Variants in CALN1 observed in about 807,000 individuals in gnomAD.
CALN1 encodes the protein calneuron 1, also known as calcium-binding protein 8.
A neutral mutation model predicts 30.6 loss-of-function variants in CALN1; 17 were observed. The ratio of observed to expected loss-of-function variants is 0.56; its 90% CI spans 0.38 to 0.83. The LOEUF (loss-of-function observed/expected upper bound fraction) is 0.83, where lower values mean the gene tolerates loss of function less well. CALN1 is among the 40% of genes least tolerant of loss of function. The probability of loss-of-function intolerance (pLI) is 0.00; values close to 1 mark genes in which losing one functional copy is unlikely to be tolerated. For missense variants in CALN1, 291 were observed against 354.9 expected (o/e 0.82, Z 1.45); for synonymous variants, 156 against 131.4 (o/e 1.19, Z -1.28).
chr7:72,428,584 G>A (rs1043990180), intron 1 of CALN1, among the ~76,000 whole-genome samples: 3 of 152,078 alleles, frequency 2.0e-5, no homozygotes. Context: ...TAGAGACAGG[G>A]TATCACCATG....
chr7:72,215,085 C>T (rs776880728), intron 3 of CALN1, among the ~76,000 whole-genome samples: 25 of 151,996 alleles, frequency 1.6e-4, no homozygotes, highest in Admixed American at 9.2e-4. Flanking sequence ...CAAAACCATC[C>T]GACATCCCCC....
intron 5 of CALN1, among the ~76,000 whole-genome samples, chr7:71,824,256 C>T (rs879457951): frequency 6.6e-6 from 1 of 152,170 alleles, no homozygotes; most frequent in Admixed American, 6.6e-5. Context: ...CTTCTATTTG[C>T]TCCACAGCCC....
chr7:72,266,531 G>T (rs1256016658), intron 3 of CALN1, among the ~76,000 whole-genome samples: 1 of 152,122 alleles, frequency 6.6e-6, no homozygotes, highest in African/African-American at 2.4e-5. Flanking sequence ...CCTTTAAGGG[G>T]CTGTCATATT....
intron 3 of CALN1, among the ~76,000 whole-genome samples, chr7:72,241,947 G>A (rs1031561708): frequency 2.0e-5 from 3 of 151,726 alleles, no homozygotes; most frequent in East Asian, 3.9e-4. Flanking sequence ...TTCATTATTG[G>A]GCAACCACCA....
At chr7:71,798,785 C>T (rs1787122459) in intron 6 of CALN1, among the ~76,000 whole-genome samples, 1 of 151,894 alleles carries the variant, frequency 6.6e-6, no homozygotes, top group Non-Finnish European at 1.5e-5. Flanking sequence ...CCATGACCGA[C>T]TAGCTTTTTT....
At chr7:72,021,361 A>G (rs772684574) in intron 5 of CALN1, among the ~76,000 whole-genome samples, 1 of 152,160 alleles carries the variant, frequency 6.6e-6, no homozygotes, top group Non-Finnish European at 1.5e-5. Flanking sequence ...CCAGGGGAGA[A>G]GCAACTCGCC....
intron 5 of CALN1, among the ~76,000 whole-genome samples, chr7:71,894,264 C>T (rs982826211): frequency 6.6e-6 from 1 of 152,006 alleles, no homozygotes; most frequent in African/African-American, 2.4e-5. Flanking sequence ...GTTTTAATAT[C>T]CCATTGGCCA....
chr7:72,357,456 C>G (rs572904494), intron 2 of CALN1, among the ~76,000 whole-genome samples: 115 of 152,014 alleles, frequency 7.6e-4, no homozygotes, highest in Non-Finnish European at 1.3e-3. Context: ...AATTTCTTAT[C>G]AAAGAAGAAA....
chr7:72,379,631 A>G (rs1804773989), intron 2 of CALN1, among the ~76,000 whole-genome samples: 1 of 152,252 alleles, frequency 6.6e-6, no homozygotes, highest in African/African-American at 2.4e-5. Context: ...AAACTCTTGC[A>G]AACACGTTCA....
rs527290720 is a variant in CALN1, at chr7:71,959,354, C to G, written c.501+64303G>C. Among the ~76,000 whole-genome samples the G allele has an allele frequency of 6.6e-5, 10 of 152,286 alleles. No individual in the cohort carries two copies. The East Asian group carries it at 1.9e-3, about 29-fold the overall frequency. On this transcript the variant is annotated intron_variant, in intron 5 of 6. Coordinates refer to ENST00000395275, the MANE Select transcript of CALN1 (RefSeq NM_031468.4). ...TGTTCTTTCTTGGAGATCGCAAACA[C>G]AGGATTGGAGAATCCAGACTTGGTT...
intron 6 of CALN1, among the ~76,000 whole-genome samples, chr7:71,795,901 CTCCGCCTCCCGGGT>C: frequency 6.8e-6 from 1 of 146,386 alleles, no homozygotes; most frequent in South Asian, 2.2e-4. Flanking sequence ...TCACTGCAAG[CTCCGCCTCCCGGGT>C]TCACGTCATT....
chr7:72,050,665 A>G (rs192831512), intron 4 of CALN1, among the ~76,000 whole-genome samples: 1 of 152,320 alleles, frequency 6.6e-6, no homozygotes, highest in East Asian at 1.9e-4. Context: ...GTAAGTATTA[A>G]TCAAACTTGT....
intron 4 of CALN1, among the ~76,000 whole-genome samples, chr7:72,097,148 G>A (rs150515525): frequency 0.018 from 2,799 of 152,182 alleles, 82 homozygotes; most frequent in African/African-American, 0.061. Flanking sequence ...ATCACACACC[G>A]GGGCCTGTCG....
intron 3 of CALN1, among the ~76,000 whole-genome samples, chr7:72,239,267 A>C (rs974810358): frequency 6.6e-6 from 1 of 152,138 alleles, no homozygotes; most frequent in East Asian, 1.9e-4. Flanking sequence ...GAGTGGTGGC[A>C]CGTCCTTGTA....
intron 2 of CALN1, among the ~76,000 whole-genome samples, chr7:72,328,549 T>C (rs1801443259): frequency 1.3e-5 from 2 of 152,234 alleles, no homozygotes; most frequent in Admixed American, 1.3e-4. Flanking sequence ...GAGAACAGAC[T>C]AATACGATGA....
At chr7:72,042,843 G>A (rs1450696677) in intron 4 of CALN1, among the ~76,000 whole-genome samples, 2 of 152,140 alleles carry the variant, frequency 1.3e-5, no homozygotes, top group Non-Finnish European at 2.9e-5. Context: ...AAAGTTTTAG[G>A]AATGGTGGGA....
At chr7:72,141,761 G>A (rs557827066) in intron 3 of CALN1, among the ~76,000 whole-genome samples, 1 of 151,990 alleles carries the variant, frequency 6.6e-6, no homozygotes, top group Non-Finnish European at 1.5e-5. Context: ...TAGAGACAGG[G>A]TTTCACCATG....
At chr7:72,380,896 A>C (rs1257146979) in intron 2 of CALN1, among the ~76,000 whole-genome samples, 1 of 152,138 alleles carries the variant, frequency 6.6e-6, no homozygotes, top group Non-Finnish European at 1.5e-5. Context: ...GTCACCCTAA[A>C]AGGATGCAGG....
rs1196396135 is a variant in CALN1 at position 72,326,138 on chromosome 7, C to T, written c.120-47328G>A. On this transcript the variant is annotated intron_variant, in intron 2 of 6. Coordinates refer to ENST00000395275, the MANE Select transcript of CALN1 (RefSeq NM_031468.4). ...GGCTGGTCTCGAACTCCTGGCCTCC[C>T]GAGGTCCGCCTGCCTGGGCCTCCCA... Among the ~76,000 whole-genome samples the T allele has an allele frequency of 5.9e-5, 9 of 152,124 alleles. No homozygotes were observed. In the South Asian group the frequency reaches 1.0e-3, roughly 18 times the overall value.
Sources: gnomAD v4.1 joint callset for allele counts (sites outside exome capture counted in the v4.1 genomes callset) on GRCh38, gnomAD v4.1.1 for gene constraint, MANE v1.5 for transcripts, NCBI Gene and HGNC (gene_info 2026-07-23, HGNC 2026-07-21) for gene names.